Variants in MMP26 observed in about 807,000 individuals in gnomAD.
MMP26 encodes the protein matrix metalloproteinase-26.
MMP26 carries 33 observed loss-of-function variants against 31.0 expected under a neutral mutation model. That is an observed-to-expected ratio of 1.06 (90% CI 0.81 to 1.42). The LOEUF (loss-of-function observed/expected upper bound fraction) is 1.42. Among genes scored for constraint, MMP26 ranks in the 40% most tolerant of loss-of-function variants. The pLI, the probability that MMP26 is intolerant of heterozygous loss-of-function variation, is 0.00. For missense variants in MMP26, 347 were observed against 316.1 expected (o/e 1.10, Z -0.74); for synonymous variants, 122 against 114.9 (o/e 1.06, Z -0.40).
intron 2 of MMP26, among the ~76,000 whole-genome samples, chr11:4,860,978 C>A (rs553820738): frequency 6.6e-6 from 1 of 151,496 alleles, no homozygotes; most frequent in Non-Finnish European, 1.5e-5. Flanking sequence ...CCTCACAATA[C>A]CATCACCAGA....
At chr11:4,920,241 A>C (rs1457172924) in intron 2 of MMP26, among the ~76,000 whole-genome samples, 1 of 152,130 alleles carries the variant, frequency 6.6e-6, no homozygotes. Flanking sequence ...CATTATTCAG[A>C]GACCTTTGCC....
intron 1 of MMP26, among the ~76,000 whole-genome samples, chr11:4,708,012 A>G (rs974567320): frequency 1.3e-5 from 2 of 152,074 alleles, no homozygotes; most frequent in African/African-American, 4.8e-5. Flanking sequence ...TTTCCCTTAG[A>G]TTTATTACTC....
intron 2 of MMP26, among the ~76,000 whole-genome samples, chr11:4,785,945 G>A (rs967610145): frequency 2.2e-4 from 33 of 152,266 alleles, no homozygotes; most frequent in Non-Finnish European, 2.4e-4. Flanking sequence ...TTTGCCTGAG[G>A]AAATCTTACT....
chr11:4,821,750 C>T, intron 2 of MMP26: 1 of 1,613,978 alleles, frequency 6.2e-7, no homozygotes, highest in Middle Eastern at 1.7e-4. Flanking sequence ...CACGGATTTA[C>T]TTTCATGGAG....
intron 2 of MMP26, chr11:4,849,307 G>T (rs1318164499): frequency 1.5e-6 from 2 of 1,306,548 alleles, no homozygotes; most frequent in African/African-American, 1.5e-5. Flanking sequence ...AAAATAGCCT[G>T]CATCTTCCCT....
chr11:4,724,946 A>G (rs1848077382), intron 1 of MMP26, among the ~76,000 whole-genome samples: 1 of 152,144 alleles, frequency 6.6e-6, no homozygotes, highest in African/African-American at 2.4e-5. Flanking sequence ...TGTAATCCCT[A>G]TTGTTGGAGG....
In MMP26 at chr11:4,923,569, C is replaced by T. The variant is rs139551574; in HGVS notation, c.-144-64499C>T. 37 of 1,614,054 alleles carry T rather than the reference C, an allele frequency of 2.3e-5. No individual in the cohort carries two copies. In the African/African-American group the frequency reaches 4.3e-4, roughly 19 times the overall value. On this transcript the variant is annotated intron_variant, in intron 2 of 7. Coordinates refer to ENST00000380390, the MANE Select transcript of MMP26 (RefSeq NM_021801.5). ...AGCGATGCACAAGAGACAAGCCAAT[C>T]ATGGGGATGTAGAAGAGCAGTACAG...
chr11:4,741,092 T>A (rs924908145), intron 1 of MMP26, among the ~76,000 whole-genome samples: 1 of 152,200 alleles, frequency 6.6e-6, no homozygotes, highest in Admixed American at 6.5e-5. Context: ...AATTTTTGTA[T>A]AAGGTGTAAG....
chr11:4,936,655 G>A (rs550783045), intron 2 of MMP26, among the ~76,000 whole-genome samples: 2 of 152,154 alleles, frequency 1.3e-5, no homozygotes, highest in Admixed American at 6.6e-5. Flanking sequence ...TAAGAGCTGG[G>A]CGTAAAATAT....
At chr11:4,712,463 G>T (rs778670424) in intron 1 of MMP26, 3 of 152,068 alleles carry the variant, frequency 2.0e-5, no homozygotes, top group Admixed American at 6.6e-5. Context: ...ATAGCTCCTA[G>T]AAATTTACTG....
intron 2 of MMP26, among the ~76,000 whole-genome samples, chr11:4,838,475 T>G (rs189895021): frequency 1.3e-5 from 2 of 151,962 alleles, no homozygotes; most frequent in Admixed American, 1.3e-4. Context: ...CTTTCAGAAG[T>G]AATAGCCTAA....
At chr11:4,987,519 C>T (rs1044837057) in intron 2 of MMP26, among the ~76,000 whole-genome samples, 3 of 151,938 alleles carry the variant, frequency 2.0e-5, no homozygotes, top group Middle Eastern at 3.4e-3. Flanking sequence ...CCCGGGTTCA[C>T]GCCATTCTCC....
intron 2 of MMP26, chr11:4,821,555 G>A: frequency 6.2e-7 from 1 of 1,612,856 alleles, no homozygotes; most frequent in Non-Finnish European, 8.5e-7. Context: ...TCTGGAAATA[G>A]CATGATCCTG....
At chr11:4,820,212 C>T (rs1849476505) in intron 2 of MMP26, among the ~76,000 whole-genome samples, 1 of 152,182 alleles carries the variant, frequency 6.6e-6, no homozygotes, top group African/African-American at 2.4e-5. Flanking sequence ...ATCCTCATTT[C>T]TTCTACTGCC....
chr11:4,732,432 C>T (rs765841929), intron 1 of MMP26, among the ~76,000 whole-genome samples: 1 of 150,104 alleles, frequency 6.7e-6, no homozygotes, highest in Non-Finnish European at 1.5e-5. Flanking sequence ...ACATACAATT[C>T]ATTCATTTAA....
chr11:4,744,835 T>G (rs1848359390), intron 1 of MMP26, among the ~76,000 whole-genome samples: 1 of 152,154 alleles, frequency 6.6e-6, no homozygotes. Context: ...ACATATACAT[T>G]GTGAAATGAT....
At chr11:4,913,298 A>G (rs955296897) in intron 2 of MMP26, 2 of 152,188 alleles carry the variant, frequency 1.3e-5, no homozygotes, top group Non-Finnish European at 2.9e-5. Context: ...GGTGTACTAG[A>G]TTGCCTTGGA....
intron 2 of MMP26, among the ~76,000 whole-genome samples, chr11:4,918,331 A>G (rs1271020829): frequency 6.6e-6 from 1 of 152,112 alleles, no homozygotes; most frequent in Non-Finnish European, 1.5e-5. Context: ...AAAGATATAG[A>G]GAAATGTTAA....
At chr11:4,761,451 C>T (rs1214769139) in intron 1 of MMP26, among the ~76,000 whole-genome samples, 1 of 152,184 alleles carries the variant, frequency 6.6e-6, no homozygotes, top group Non-Finnish European at 1.5e-5. Flanking sequence ...ATTGTAGAGT[C>T]ATTTACTCAG....
Sources: gnomAD v4.1 joint callset for allele counts (sites outside exome capture counted in the v4.1 genomes callset) on GRCh38, gnomAD v4.1.1 for gene constraint, MANE v1.5 for transcripts, NCBI Gene and HGNC (gene_info 2026-07-23, HGNC 2026-07-21) for gene names.